The following CTDP1 variants were observed in gnomAD, a reference collection of about 807,000 sequenced individuals.
CTDP1 encodes RNA polymerase II subunit A C-terminal domain phosphatase.
CTDP1 carries 47 observed loss-of-function variants against 91.8 expected under a neutral mutation model. The ratio of observed to expected loss-of-function variants is 0.51; its 90% confidence interval spans 0.41 to 0.65. The LOEUF is 0.65. CTDP1 is among the 30% of genes least tolerant of loss of function. CTDP1 has a pLI of 0.00. For synonymous variants in CTDP1, 656 were observed against 598.5 expected, an observed-to-expected ratio of 1.10 and a Z score of -1.40; for missense variants, 1,272 against 1,373.7, an observed-to-expected ratio of 0.93 and a Z score of 1.17.
chr18:79,751,700 T>C (rs955578722), intron 12 of CTDP1, among the ~76,000 whole-genome samples: 5 of 152,220 alleles, frequency 3.3e-5, no homozygotes, highest in Admixed American at 1.3e-4. Context: ...GTGCTGTGTG[T>C]GCGTGCAGGT....
chr18:79,739,146 G>A lies in CTDP1; in HGVS notation c.2747+2625G>A, dbSNP rs73972724. Reference sequence around the variant, plus strand: ...CTGCCGTGGCCATGTTAGTATCTGCGGATTTGCAGCGTGCTCTTTGTATGA... The same window carrying A: ...CTGCCGTGGCCATGTTAGTATCTGCAGATTTGCAGCGTGCTCTTTGTATGA... On this transcript the variant is annotated intron_variant, in intron 12 of 12. Transcript: ENST00000613122. Among the ~76,000 whole-genome samples, 1,151 of 152,296 alleles carry A rather than the reference G, an allele frequency of 7.6e-3. 16 individuals carry two copies. The highest frequency in any genetic ancestry group is 0.026 in the African/African-American group (1,060 of 41,568).
chr18:79,728,195 G>T (rs544753844), intron 10 of CTDP1, among the ~76,000 whole-genome samples: 55 of 152,112 alleles, frequency 3.6e-4, no homozygotes, highest in South Asian at 8.3e-4. Flanking sequence ...TGCCTCCCAG[G>T]TTCAAGCGAT....
chr18:79,694,836 A>G (rs2085714843), intron 1 of CTDP1, among the ~76,000 whole-genome samples: 1 of 152,246 alleles, frequency 6.6e-6, no homozygotes, highest in Non-Finnish European at 1.5e-5. Flanking sequence ...TAGACTGGGA[A>G]TGATATGAAA....
Position 79,714,578 on chromosome 18 carries a change from C to T in CTDP1, c.1118C>T (p.Pro373Leu). 6.2e-7 allele frequency: 1 copy of T among 1,613,118 alleles called. No homozygotes were observed. The highest frequency in any genetic ancestry group is 8.5e-7 in the Non-Finnish European group (1 of 1,180,042). Residue 373 changes from proline (P) to leucine (L), a missense_variant, in exon 8 of 13, where the codon CCC becomes CTC. This residue lies in a region of CTDP1 where 881 missense variants were observed against 911.6 expected (regional missense o/e 0.97). Transcript: ENST00000613122. ...EGVTQAPGVE[P>L]SNGLEKPARE... ...GTAACGCAGGCCCCTGGAGTGGAGC[C>T]CAGCAATGGCCTGGAGAAGCCTGCA...
chr18:79,685,151 GCT>G (rs1484391072), intron 1 of CTDP1, among the ~76,000 whole-genome samples: 120 of 152,172 alleles, frequency 7.9e-4, no homozygotes, highest in Non-Finnish European at 7.1e-4. Flanking sequence ...TTCTCTGCGT[GCT>G]GCTCTCTGTA....
intron 12 of CTDP1, among the ~76,000 whole-genome samples, chr18:79,743,899 A>G (rs1410266237): frequency 6.6e-6 from 1 of 152,212 alleles, no homozygotes; most frequent in Admixed American, 6.5e-5. Context: ...CACACTGGGA[A>G]CTGCTCAGGG....
intron 4 of CTDP1, among the ~76,000 whole-genome samples, chr18:79,700,278 C>T (rs2085832116): frequency 6.6e-6 from 1 of 152,128 alleles, no homozygotes; most frequent in Admixed American, 6.6e-5. Context: ...GGAATGCACG[C>T]CAGAAGCCAG....
chr18:79,748,269 TTAAC>T (rs1438004487), intron 12 of CTDP1, among the ~76,000 whole-genome samples: 4 of 152,218 alleles, frequency 2.6e-5, no homozygotes, highest in South Asian at 2.1e-4. Flanking sequence ...CAAACATCGT[TTAAC>T]TAAGAGCAAA....
intron 4 of CTDP1, among the ~76,000 whole-genome samples, chr18:79,702,481 C>T (rs1196804482): frequency 6.6e-6 from 1 of 152,192 alleles, no homozygotes; most frequent in Non-Finnish European, 1.5e-5. Context: ...TCAAGCCATT[C>T]TTGTGCCTCA....
At chr18:79,755,751 C>A (rs1335244459), downstream of CTDP1, 2 of 152,384 alleles carry the variant, frequency 1.3e-5, no homozygotes, top group Non-Finnish European at 2.9e-5. Context: ...CTCTGCAAGG[C>A]CTCCTTAAAC....
rs142853861 is a variant in CTDP1 at position 79,717,657 on chromosome 18, G to A, written c.2191G>A (p.Asp731Asn). ...VEEQLFPLRD[D>N]HTKAQRENSP... ...GGAGCAGCTCTTCCCGCTCAGGGAC[G>A]ATCACACCAAGGCACAGAGGTGGGT... The change falls in exon 9 of 13, where the codon GAT (aspartate) becomes AAT (asparagine). Residue 731 changes from aspartate (D) to asparagine (N), a missense_variant. Asp to Asn is a conservative substitution (Grantham distance 23). Coordinates refer to ENST00000613122, the MANE Select transcript of CTDP1 (RefSeq NM_004715.5). 9.3e-6 allele frequency: 15 copies of A among 1,614,036 alleles called. No individual in the cohort carries two copies. The highest frequency in any genetic ancestry group is 8.9e-5 in the East Asian group (4 of 44,882).
chr18:79,719,467 A>G (rs967401712), intron 10 of CTDP1, among the ~76,000 whole-genome samples: 9 of 152,158 alleles, frequency 5.9e-5, no homozygotes, highest in Non-Finnish European at 1.2e-4. Flanking sequence ...ATCCCCAGCC[A>G]CAGAGATGAT....
chr18:79,677,953 C>A, upstream of CTDP1: 1 of 152,302 alleles, frequency 6.6e-6, no homozygotes. Flanking sequence ...TTCCCACAAT[C>A]CCCATTTTTT....
intron 12 of CTDP1, among the ~76,000 whole-genome samples, chr18:79,748,697 C>A (rs768815590): frequency 6.6e-6 from 1 of 152,220 alleles, no homozygotes; most frequent in African/African-American, 2.4e-5. Flanking sequence ...CTGTTCCCAG[C>A]GAATGCCATG....
At chr18:79,685,911 C>G (rs1333934476) in intron 1 of CTDP1, among the ~76,000 whole-genome samples, 2 of 152,110 alleles carry the variant, frequency 1.3e-5, no homozygotes, top group Non-Finnish European at 2.9e-5. Context: ...TTATTCTTCC[C>G]TGTTGACGCC....
chr18:79,704,156 T>C (rs2085915275), intron 4 of CTDP1, among the ~76,000 whole-genome samples: 1 of 152,210 alleles, frequency 6.6e-6, no homozygotes, highest in African/African-American at 2.4e-5. Flanking sequence ...ACTCACTCAC[T>C]CGTACCGCGT....
intron 11 of CTDP1, among the ~76,000 whole-genome samples, chr18:79,733,736 C>G (rs1021831210): frequency 6.6e-6 from 1 of 152,196 alleles, no homozygotes; most frequent in Non-Finnish European, 1.5e-5. Context: ...CCCGTCCTCT[C>G]TCTTGAAGCC....
intron 6 of CTDP1, among the ~76,000 whole-genome samples, 169 bp downstream of exon 6, chr18:79,710,605 C>G (rs2086060869): frequency 6.6e-6 from 1 of 151,424 alleles, no homozygotes; most frequent in African/African-American, 2.4e-5. Context: ...ACTGCAAGCT[C>G]TGCTTCCAGA....
intron 8 of CTDP1, among the ~76,000 whole-genome samples, chr18:79,716,717 G>A (rs2086216558): frequency 6.6e-6 from 1 of 152,240 alleles, no homozygotes; most frequent in Non-Finnish European, 1.5e-5. Flanking sequence ...TGTCCTGTGA[G>A]TGCCCAAGCT....
Sources: allele counts gnomAD v4.1 joint callset (sites outside exome capture counted in the v4.1 genomes callset), GRCh38; gene constraint gnomAD v4.1.1; regional missense constraint gnomAD v4.1.1; transcripts MANE v1.5; gene names NCBI Gene and HGNC (gene_info 2026-07-23, HGNC 2026-07-21).